The following INTS4 variants were observed in gnomAD, a reference collection of about 807,000 sequenced individuals.
INTS4 encodes integrator complex subunit 4.
INTS4 carries 70 observed loss-of-function variants against 119.5 expected under a neutral mutation model. The observed-to-expected ratio is 0.59, with a 90% CI of 0.48 to 0.71. The LOEUF (loss-of-function observed/expected upper bound fraction) is 0.71. Among genes scored for constraint, INTS4 ranks in the 30% least tolerant of loss-of-function variants. The probability of loss-of-function intolerance (pLI) is 0.00; values close to 1 mark genes in which losing one functional copy is unlikely to be tolerated. For missense variants in INTS4, 867 were observed against 1,173.2 expected, an observed-to-expected ratio of 0.74 and a Z score of 3.81; for synonymous variants, 316 against 419.6, an observed-to-expected ratio of 0.75 and a Z score of 3.02.
At chr11:77,968,123 C>T (rs903276651) in intron 4 of INTS4, among the ~76,000 whole-genome samples, 2 of 152,054 alleles carry the variant, frequency 1.3e-5, no homozygotes, top group African/African-American at 4.8e-5. Flanking sequence ...AGAAAAAGTA[C>T]AGTAAAAATA....
chr11:77,945,313 A>T (rs139513641), intron 8 of INTS4, among the ~76,000 whole-genome samples: 2,453 of 152,336 alleles, frequency 0.016, 62 homozygotes, highest in African/African-American at 0.054. Flanking sequence ...CCAAGAGATC[A>T]TTCAGCTGTA....
chr11:77,907,781 G>A lies in INTS4; in HGVS notation c.1952C>T (p.Ser651Phe). Reference protein sequence around the residue: ...RDLQRLGELQSELAGVADFSA... With the variant: ...RDLQRLGELQFELAGVADFSA... ...GAAATCAGCTACTCCTGCCAATTCA[G>A]ATTGAAGTTCTCCAAGTCTTTGCAG... Residue 651 changes from serine to phenylalanine, a missense_variant, in exon 16 of 23, where the codon TCT becomes TTT. Around this residue, in one of 5 missense-constraint regions of INTS4, gnomAD observed 262 missense variants for 376.0 expected, o/e 0.70. Transcript: ENST00000534064. 1 of 1,613,592 alleles carries A rather than the reference G, an allele frequency of 6.2e-7. No individual in the cohort carries two copies. Among genetic ancestry groups the A allele is most frequent in the Non-Finnish European group, 8.5e-7 (1 of 1,179,614 alleles).
chr11:77,960,822 C>T (rs7929510), intron 5 of INTS4, 131 bp downstream of exon 5: 445,563 of 769,380 alleles, frequency 0.58, 131,073 homozygotes, highest in African/African-American at 0.63. Context: ...CTGAGTTCTG[C>T]GAGGCCACCA....
At chr11:77,947,389 C>T (rs1222320228) in intron 8 of INTS4, among the ~76,000 whole-genome samples, 1 of 152,186 alleles carries the variant, frequency 6.6e-6, no homozygotes, top group Non-Finnish European at 1.5e-5. Flanking sequence ...AAGAGTAAGA[C>T]TTTCAAAGCT....
At chr11:77,976,980 T>G (rs1230938898) in intron 4 of INTS4, among the ~76,000 whole-genome samples, 1 of 151,972 alleles carries the variant, frequency 6.6e-6, no homozygotes, top group East Asian at 1.9e-4. Flanking sequence ...AATGTTAAAT[T>G]ACGAGTTGAT....
At chr11:77,980,989 T>G (rs1341811499) in intron 3 of INTS4, among the ~76,000 whole-genome samples, 1 of 150,120 alleles carries the variant, frequency 6.7e-6, no homozygotes, top group Non-Finnish European at 1.5e-5. Context: ...CGAGACTCCG[T>G]TAAAAAAAAA....
At chr11:77,983,763 GTATGA>G (rs1437205536) in intron 2 of INTS4, among the ~76,000 whole-genome samples, 1 of 152,228 alleles carries the variant, frequency 6.6e-6, no homozygotes, top group Non-Finnish European at 1.5e-5. Flanking sequence ...GTGGAAAACA[GTATGA>G]TGGAAATCGC....
rs373312874 is a variant in INTS4, at chr11:77,920,712, C to T, written c.1764+628G>A. Among the ~76,000 whole-genome samples, 21 of 151,658 alleles carry T rather than the reference C, an allele frequency of 1.4e-4. No individual in the cohort carries two copies. In the East Asian group the frequency reaches 2.3e-3, roughly 17 times the overall value. On this transcript the variant is annotated intron_variant, in intron 14 of 22. Transcript: ENST00000534064. ...CTAAAAATACAAAAAATTAGCCGGG[C>T]GTGGTGGCAGGCGCCTGTAGTCCCA...
At chr11:77,924,400 C>CA (rs536832147) in intron 12 of INTS4, 892 of 153,162 alleles carry the variant, frequency 5.8e-3, no homozygotes, top group Middle Eastern at 0.015. Context: ...GACTCCGTCT[C>CA]AAAAAAAAAA....
rs573570532 is a variant in INTS4, at chr11:77,990,470, A to G, written c.246+638T>C. On this transcript the variant is annotated intron_variant, in intron 2 of 22. Coordinates refer to ENST00000534064, the MANE Select transcript of INTS4 (RefSeq NM_033547.4). The stretch of plus-strand genomic sequence containing the variant: ...GGAGGCCAAGGTGGCTGCATCACTT[A>G]AAGTCAGGAGTTCGAGACCAGCCTG... Among the ~76,000 whole-genome samples the G allele has an allele frequency of 3.3e-5, 5 of 151,872 alleles. No individual in the cohort carries two copies. In the South Asian group the frequency reaches 1.0e-3, roughly 32 times the overall value.
At chr11:77,941,757 C>T (rs1490091100) in intron 8 of INTS4, among the ~76,000 whole-genome samples, 2 of 152,142 alleles carry the variant, frequency 1.3e-5, no homozygotes, top group Non-Finnish European at 2.9e-5. Flanking sequence ...CTGCCTACCT[C>T]GGCCTCCCAA....
chr11:77,947,041 G>T (rs1445177078), intron 8 of INTS4, among the ~76,000 whole-genome samples: 1 of 149,898 alleles, frequency 6.7e-6, no homozygotes, highest in Non-Finnish European at 1.5e-5. Context: ...TTCAACAATA[G>T]ACTAGGATCA....
In INTS4 at chr11:77,956,028, G is replaced by A. The variant is rs200399700; in HGVS notation, c.832C>T (p.Arg278Cys). ...VPIPSSNEEI[R>C]LVDDAFGKIC... ...TTGCCAAACGCATCATCAACTAAGC[G>A]TATTTCTTCATTAGAAGAAGGAATT... is the stretch of plus-strand genomic sequence containing the variant. The change falls in exon 8 of 23, where the codon CGC becomes TGC. Residue 278 changes from arginine to cysteine, a missense_variant. This residue lies in a region of INTS4 where 208 missense variants were observed against 306.6 expected (regional missense o/e 0.68). Coordinates refer to ENST00000534064, the MANE Select transcript of INTS4 (RefSeq NM_033547.4). 93 of 1,604,522 alleles carry A rather than the reference G, an allele frequency of 5.8e-5. No individual in the cohort carries two copies. The highest frequency in any genetic ancestry group is 7.4e-5 in the Non-Finnish European group (87 of 1,177,686).
intron 22 of INTS4, among the ~76,000 whole-genome samples, chr11:77,879,923 G>A (rs988920098): frequency 2.0e-5 from 3 of 152,166 alleles, no homozygotes; most frequent in Non-Finnish European, 4.4e-5. Context: ...AAGAAAGACT[G>A]TCACAATCTT....
intron 8 of INTS4, among the ~76,000 whole-genome samples, chr11:77,952,803 T>C (rs1472250302): frequency 6.6e-6 from 1 of 152,206 alleles, no homozygotes; most frequent in African/African-American, 2.4e-5. Context: ...AAATTTTGAA[T>C]GATTCTTACT....
Position 77,883,965 on chromosome 11 carries a change from A to G in INTS4, c.2593-13T>C, listed in dbSNP as rs765046639. 15 of 1,611,124 alleles carry G rather than the reference A, an allele frequency of 9.3e-6. No homozygotes were observed. In the African/African-American group the frequency reaches 1.6e-4, roughly 17 times the overall value. ...CTGGATATAAGACCTAAAGGGTGAC[A>G]GAAATGAGAAAAAGGCAGAAGCGAG... On this transcript the variant is annotated splice_polypyrimidine_tract_variant and intron_variant, in intron 21 of 22. Coordinates refer to ENST00000534064, the MANE Select transcript of INTS4 (RefSeq NM_033547.4).
chr11:77,961,285 G>C lies in INTS4; in HGVS notation c.472-147C>G, dbSNP rs368345661. Reference sequence around the variant, plus strand: ...AAGACCTATATTCTTAGGACAGTCTGTCTAGCATCATGTTACTTGAGTACG... The same window carrying C: ...AAGACCTATATTCTTAGGACAGTCTCTCTAGCATCATGTTACTTGAGTACG... On this transcript the variant is annotated intron_variant, in intron 4 of 22. Coordinates refer to ENST00000534064, the MANE Select transcript of INTS4 (RefSeq NM_033547.4). The C allele has an allele frequency of 3.6e-5, 39 of 1,078,490 alleles. 2 individuals carry two copies. In the African/African-American group the frequency reaches 6.2e-4, roughly 17 times the overall value. The allele number at this position is 1,078,490 out of a possible 1,614,324, so 66.8% of individuals were successfully genotyped here.
rs1196044391 is a variant in INTS4, at chr11:77,953,976, G to C, written c.918+1966C>G. Reference sequence around the variant, plus strand: ...CTAGAGGCGTGTGCCACCATGCCCAGCTAATTTTTGTATTTTTAGTAGAGA... The same window carrying C: ...CTAGAGGCGTGTGCCACCATGCCCACCTAATTTTTGTATTTTTAGTAGAGA... On this transcript the variant is annotated intron_variant, in intron 8 of 22. Coordinates refer to ENST00000534064, the MANE Select transcript of INTS4 (RefSeq NM_033547.4). 2.0e-5 allele frequency among the ~76,000 whole-genome samples: 3 copies of C among 151,418 alleles called. No homozygotes were observed. In the East Asian group the frequency reaches 5.9e-4, roughly 30 times the overall value.
chr11:77,877,067 G>GA (rs754879246), downstream of INTS4: 9 of 702,640 alleles, frequency 1.3e-5, no homozygotes, highest in Middle Eastern at 4.6e-4. Context: ...CACTAGAAAA[G>GA]TCAGCTCCCT....
Sources: allele counts gnomAD v4.1 joint callset (sites outside exome capture counted in the v4.1 genomes callset), GRCh38; gene constraint gnomAD v4.1.1; regional missense constraint gnomAD v4.1.1; transcripts MANE v1.5; gene names NCBI Gene and HGNC (gene_info 2026-07-23, HGNC 2026-07-21).